The following GRID1 variants were observed in gnomAD, a reference collection of about 807,000 sequenced individuals.
GRID1 encodes glutamate ionotropic receptor delta type subunit 1.
A neutral mutation model predicts 98.0 loss-of-function variants in GRID1; 28 were observed. The ratio of observed to expected loss-of-function variants is 0.29; its 90% confidence interval spans 0.21 to 0.39. GRID1 has a LOEUF of 0.39. Ranked by LOEUF, GRID1 falls within the 10% of genes least tolerant of loss-of-function variation. The probability of loss-of-function intolerance (pLI) is 1.00; values close to 1 mark genes in which losing one functional copy is unlikely to be tolerated. For synonymous variants in GRID1, 553 were observed against 538.5 expected (o/e 1.03, Z -0.37); for missense variants, 1,111 against 1,340.5 (o/e 0.83, Z 2.67).
At chr10:85,885,060 T>C (rs1392739222) in intron 5 of GRID1, among the ~76,000 whole-genome samples, 2 of 152,192 alleles carry the variant, frequency 1.3e-5, no homozygotes, top group Non-Finnish European at 2.9e-5. Flanking sequence ...ATGCACTACA[T>C]AATAAAAAGA....
At chr10:86,189,691 G>A (rs912759771) in intron 3 of GRID1, among the ~76,000 whole-genome samples, 3 of 152,086 alleles carry the variant, frequency 2.0e-5, no homozygotes, top group East Asian at 1.9e-4. Context: ...TGTCTTAAGC[G>A]GGTGCTGTGC....
chr10:86,304,369 C>T (rs1274746117), intron 2 of GRID1, among the ~76,000 whole-genome samples: 3 of 152,204 alleles, frequency 2.0e-5, no homozygotes, highest in Admixed American at 2.0e-4. Flanking sequence ...TCCACATGTC[C>T]CACCCTCAGC....
At chr10:86,345,624 G>A (rs1848370959) in intron 2 of GRID1, among the ~76,000 whole-genome samples, 1 of 152,212 alleles carries the variant, frequency 6.6e-6, no homozygotes, top group Non-Finnish European at 1.5e-5. Flanking sequence ...CAGGGGTTGG[G>A]GGAGCTGACT....
At chr10:85,893,328 T>G (rs1841232754) in intron 5 of GRID1, among the ~76,000 whole-genome samples, 1 of 152,148 alleles carries the variant, frequency 6.6e-6, no homozygotes, top group African/African-American at 2.4e-5. Flanking sequence ...GAAAAAGGCA[T>G]AGATATCCGC....
At chr10:86,064,864 C>T (rs565629949) in intron 4 of GRID1, among the ~76,000 whole-genome samples, 10 of 152,364 alleles carry the variant, frequency 6.6e-5, no homozygotes, top group Non-Finnish European at 1.3e-4. Flanking sequence ...AGAAGACAAA[C>T]TGAAAACTCG....
At chr10:85,786,663 G>A (rs992221216) in intron 8 of GRID1, among the ~76,000 whole-genome samples, 1 of 152,052 alleles carries the variant, frequency 6.6e-6, no homozygotes, top group South Asian at 2.1e-4. Context: ...TTAGATAAGC[G>A]GCACTAAAAT....
chr10:85,804,797 C>CA (rs1222090731), intron 8 of GRID1, among the ~76,000 whole-genome samples: 1 of 151,584 alleles, frequency 6.6e-6, no homozygotes, highest in Non-Finnish European at 1.5e-5. Context: ...GCCTCAGCAA[C>CA]AAAAAAACTG....
chr10:85,603,219 G>C (rs1337120739), intron 15 of GRID1, among the ~76,000 whole-genome samples: 1 of 152,252 alleles, frequency 6.6e-6, no homozygotes. Context: ...ATCAGTGTTA[G>C]AGGCAGCTTG....
At chr10:85,817,566 A>G (rs1842726973) in intron 8 of GRID1, among the ~76,000 whole-genome samples, 1 of 151,846 alleles carries the variant, frequency 6.6e-6, no homozygotes, top group South Asian at 2.1e-4. Flanking sequence ...CAGAATGTCA[A>G]AAGATTCCAG....
chr10:85,990,862 G>T (rs1265251361), intron 4 of GRID1, among the ~76,000 whole-genome samples: 3 of 151,100 alleles, frequency 2.0e-5, no homozygotes, highest in African/African-American at 7.3e-5. Flanking sequence ...AAAATATAAA[G>T]ACTTTTTTTT....
intron 5 of GRID1, among the ~76,000 whole-genome samples, chr10:85,910,799 T>C (rs949058900): frequency 2.6e-5 from 4 of 152,076 alleles, no homozygotes; most frequent in Admixed American, 1.3e-4. Flanking sequence ...GTGCATCAAT[T>C]CCCCAACACA....
At chr10:86,112,242 C>T (rs530416194) in intron 4 of GRID1, among the ~76,000 whole-genome samples, 16 of 152,294 alleles carry the variant, frequency 1.1e-4, no homozygotes, top group South Asian at 4.1e-4. Context: ...AGATTCCTCA[C>T]GCCACATCTG....
intron 5 of GRID1, among the ~76,000 whole-genome samples, chr10:85,907,849 T>G (rs906160442): frequency 1.3e-5 from 2 of 152,214 alleles, no homozygotes; most frequent in African/African-American, 4.8e-5. Flanking sequence ...GTAGGTTTTA[T>G]CCCAGAGATG....
intron 15 of GRID1, among the ~76,000 whole-genome samples, chr10:85,608,537 T>C (rs1323664039): frequency 1.3e-5 from 2 of 152,238 alleles, no homozygotes; most frequent in African/African-American, 2.4e-5. Flanking sequence ...GCTAATGTTC[T>C]TGGTAAAGCA....
intron 3 of GRID1, among the ~76,000 whole-genome samples, chr10:86,147,637 T>C (rs938034855): frequency 2.0e-5 from 3 of 152,216 alleles, no homozygotes; most frequent in Non-Finnish European, 2.9e-5. Flanking sequence ...TGGCTAGCCA[T>C]ATGCAGAAGA....
intron 5 of GRID1, among the ~76,000 whole-genome samples, chr10:85,906,811 A>C (rs2882831): frequency 0.097 from 14,684 of 152,160 alleles, 931 homozygotes; most frequent in Middle Eastern, 0.2. Flanking sequence ...ACTCCCTAGA[A>C]ACTAGGGGAA....
At chr10:86,255,212 T>A (rs1846899076) in intron 2 of GRID1, among the ~76,000 whole-genome samples, 1 of 152,256 alleles carries the variant, frequency 6.6e-6, no homozygotes, top group Non-Finnish European at 1.5e-5. Flanking sequence ...TTTTCTTTAT[T>A]TTCAAATATT....
chr10:86,002,504 T>C (rs1466430351), intron 4 of GRID1, among the ~76,000 whole-genome samples: 1 of 99,992 alleles, frequency 1.0e-5, no homozygotes, highest in African/African-American at 4.0e-5. Flanking sequence ...CATTCTCCAT[T>C]TCCTAAGTAT....
chr10:85,700,970 A>G (rs956167287), intron 12 of GRID1, among the ~76,000 whole-genome samples: 2 of 152,206 alleles, frequency 1.3e-5, no homozygotes, highest in Non-Finnish European at 1.5e-5. Context: ...TAAGTTGAAG[A>G]TAACTAAGAA....
Sources: gnomAD v4.1 joint callset for allele counts (sites outside exome capture counted in the v4.1 genomes callset) on GRCh38, gnomAD v4.1.1 for gene constraint, MANE v1.5 for transcripts, NCBI Gene and HGNC (gene_info 2026-07-23, HGNC 2026-07-21) for gene names.